The following TRPM6 variants were observed in gnomAD, a reference collection of about 807,000 sequenced individuals.
TRPM6 encodes the protein transient receptor potential cation channel subfamily M member 6, also known as channel kinase 2.
In TRPM6, 111 loss-of-function variants were observed where a neutral mutation model predicts 247.6. The observed-to-expected ratio is 0.45, with a 90% CI of 0.38 to 0.52. The LOEUF is 0.52. TRPM6 is among the 20% of genes least tolerant of loss of function. The pLI, the probability that TRPM6 is intolerant of heterozygous loss-of-function variation, is 0.00. For missense variants in TRPM6, 2,126 were observed against 2,421.5 expected, an observed-to-expected ratio of 0.88 and a Z score of 2.56; for synonymous variants, 892 against 853.8, an observed-to-expected ratio of 1.04 and a Z score of -0.78.
At chr9:74,850,390 A>G (rs1830260524) in intron 3 of TRPM6, among the ~76,000 whole-genome samples, 1 of 150,580 alleles carries the variant, frequency 6.6e-6, no homozygotes, top group African/African-American at 2.4e-5. Flanking sequence ...AGATAACCAG[A>G]ACAAGCGCAG....
intron 1 of TRPM6, among the ~76,000 whole-genome samples, chr9:74,879,168 C>G (rs1459966007): frequency 6.6e-6 from 1 of 151,626 alleles, no homozygotes; most frequent in African/African-American, 2.4e-5. Flanking sequence ...TTAAAGAATT[C>G]TCTGAATGAA....
At chr9:74,816,621 G>T in intron 11 of TRPM6, 48 bp downstream of exon 11, 1 of 1,489,128 alleles carries the variant, frequency 6.7e-7, no homozygotes, top group South Asian at 1.1e-5. Flanking sequence ...CTTCCTAACA[G>T]ACCATCACAC....
intron 3 of TRPM6, among the ~76,000 whole-genome samples, chr9:74,847,250 G>C (rs1227967308): frequency 6.6e-6 from 1 of 152,012 alleles, no homozygotes; most frequent in Non-Finnish European, 1.5e-5. Flanking sequence ...ACCCAGGCTG[G>C]AGTGCAGTGG....
At chr9:74,737,902 C>T (rs1455789143) in intron 36 of TRPM6, among the ~76,000 whole-genome samples, 1 of 152,176 alleles carries the variant, frequency 6.6e-6, no homozygotes, top group Non-Finnish European at 1.5e-5. Flanking sequence ...AGGAGATGTG[C>T]TGACCAAAGG....
intron 37 of TRPM6, among the ~76,000 whole-genome samples, chr9:74,731,566 GAAGCCT>G (rs1173655941): frequency 2.0e-5 from 3 of 151,618 alleles, no homozygotes; most frequent in Admixed American, 2.0e-4. Flanking sequence ...TCTTTGCATA[GAAGCCT>G]ACATGTTTAG....
intron 19 of TRPM6, among the ~76,000 whole-genome samples, chr9:74,790,665 T>C (rs530391926): frequency 2.1e-4 from 32 of 152,316 alleles, no homozygotes; most frequent in African/African-American, 7.5e-4. Flanking sequence ...AGACAGCAGT[T>C]AGGTCTCAGT....
At chr9:74,847,527 T>C (rs1442934332) in intron 3 of TRPM6, among the ~76,000 whole-genome samples, 1 of 152,086 alleles carries the variant, frequency 6.6e-6, no homozygotes, top group East Asian at 1.9e-4. Flanking sequence ...TGGTAGTAGG[T>C]TATCAGAACT....
intron 2 of TRPM6, among the ~76,000 whole-genome samples, chr9:74,855,927 G>C (rs899009684): frequency 2.0e-5 from 3 of 152,106 alleles, no homozygotes; most frequent in Non-Finnish European, 2.9e-5. Context: ...GGTAAAGACA[G>C]TGTGTACAAT....
At chr9:74,867,716 C>A (rs748782132) in intron 1 of TRPM6, among the ~76,000 whole-genome samples, 23 of 152,136 alleles carry the variant, frequency 1.5e-4, no homozygotes, top group Non-Finnish European at 2.4e-4. Context: ...AAGTGTGGAA[C>A]CAGCCCTTTA....
chr9:74,858,767 T>C lies in TRPM6; in HGVS notation c.34-19A>G, dbSNP rs1294664450. ...TCTGGGACTAAAAAGAAAGTGTCATTATTTTATACTCTAATTATGTGACAA... is the reference window on the plus strand; with the variant it reads ...TCTGGGACTAAAAAGAAAGTGTCATCATTTTATACTCTAATTATGTGACAA... On this transcript the variant is annotated intron_variant, in intron 1 of 38. Transcript: ENST00000360774. 4 of 1,559,762 alleles carry C rather than the reference T, an allele frequency of 2.6e-6. No individual in the cohort carries two copies. The South Asian group carries it at 4.5e-5, about 17-fold the overall frequency.
At chr9:74,852,698 G>A (rs542032191) in intron 3 of TRPM6, among the ~76,000 whole-genome samples, 1 of 152,330 alleles carries the variant, frequency 6.6e-6, no homozygotes, top group African/African-American at 2.4e-5. Flanking sequence ...TCGCAGTGTT[G>A]GCCGGACTTG....
chr9:74,764,748 A>T (rs1292641344), intron 25 of TRPM6, among the ~76,000 whole-genome samples: 5 of 152,248 alleles, frequency 3.3e-5, no homozygotes, highest in Non-Finnish European at 7.3e-5. Context: ...AATAGAATAC[A>T]AAGGCTTAAA....
chr9:74,786,124 A>G lies in TRPM6; in HGVS notation c.2669T>C (p.Ile890Thr). The part of the protein sequence containing the change: ...FTNAIEVVRE[I>T]CISEPGKFTQ... The stretch of plus-strand genomic sequence containing the variant: ...AAACTTCCCAGGTTCTGAAATACAG[A>G]TCTAAAAGAAGGAAGAAGGAAACTT... Residue 890 changes from isoleucine to threonine, a missense_variant and splice_region_variant, in exon 21 of 39, where the codon ATC (isoleucine) becomes ACC (threonine). Ile to Thr is a moderately conservative substitution (Grantham distance 89, BLOSUM62 -1). Coordinates refer to ENST00000360774, the MANE Select transcript of TRPM6 (RefSeq NM_017662.5). 6.2e-7 allele frequency: 1 copy of G among 1,614,154 alleles called. No homozygotes were observed. Among genetic ancestry groups the G allele is most frequent in the Non-Finnish European group, 8.5e-7 (1 of 1,180,010 alleles).
At chr9:74,845,375 G>A (rs1345406505) in intron 3 of TRPM6, among the ~76,000 whole-genome samples, 4 of 86,968 alleles carry the variant, frequency 4.6e-5, no homozygotes, top group African/African-American at 1.9e-4. Flanking sequence ...TCCACAAAGT[G>A]GAAGCAACCC....
At chr9:74,840,285 T>C (rs749815308) in intron 4 of TRPM6, 48 bp from the exon 5 acceptor site, 17 of 1,396,842 alleles carry the variant, frequency 1.2e-5, no homozygotes, top group Middle Eastern at 3.9e-4. Context: ...AAAAAAGTTA[T>C]GCCAGGCACA....
chr9:74,793,202 C>G (rs1042126384), intron 18 of TRPM6, among the ~76,000 whole-genome samples: 8 of 152,040 alleles, frequency 5.3e-5, no homozygotes, highest in Non-Finnish European at 1.0e-4. Context: ...TATAATCTTA[C>G]CTTTGAAGGG....
intron 1 of TRPM6, among the ~76,000 whole-genome samples, chr9:74,879,176 G>T (rs1212984083): frequency 1.3e-5 from 2 of 151,686 alleles, no homozygotes; most frequent in African/African-American, 4.8e-5. Flanking sequence ...TTCTCTGAAT[G>T]AAATACAAAA....
intron 6 of TRPM6, among the ~76,000 whole-genome samples, chr9:74,832,333 A>G (rs184097264): frequency 6.6e-6 from 1 of 152,334 alleles, no homozygotes; most frequent in East Asian, 1.9e-4. Context: ...CAAGAGATAT[A>G]ACAACCCATC....
At chr9:74,863,200 C>T (rs970044541) in intron 1 of TRPM6, among the ~76,000 whole-genome samples, 1 of 151,690 alleles carries the variant, frequency 6.6e-6, no homozygotes, top group African/African-American at 2.4e-5. Flanking sequence ...GTTCCTGCCA[C>T]CACATCGAGC....
Sources: gnomAD v4.1 joint callset for allele counts (sites outside exome capture counted in the v4.1 genomes callset) on GRCh38, gnomAD v4.1.1 for gene constraint, MANE v1.5 for transcripts, NCBI Gene and HGNC (gene_info 2026-07-23, HGNC 2026-07-21) for gene names.